The following ATAD2 variants were observed in gnomAD, a reference collection of about 807,000 sequenced individuals.
ATAD2 encodes the protein ATPase family AAA domain-containing protein 2.
ATAD2 carries 62 observed loss-of-function variants against 168.9 expected under a neutral mutation model. That is an observed-to-expected ratio of 0.37 (90% CI 0.30 to 0.45). ATAD2 has a LOEUF of 0.45. Among genes scored for constraint, ATAD2 ranks in the 20% least tolerant of loss-of-function variants. The probability of loss-of-function intolerance (pLI) is 1.00; values close to 1 mark genes in which losing one functional copy is unlikely to be tolerated. For missense variants in ATAD2, 1,419 were observed against 1,667.8 expected, an observed-to-expected ratio of 0.85 and a Z score of 2.60; for synonymous variants, 613 against 571.6, an observed-to-expected ratio of 1.07 and a Z score of -1.03.
intron 25 of ATAD2, among the ~76,000 whole-genome samples, chr8:123,326,490 G>A (rs929499589): frequency 6.6e-6 from 1 of 151,076 alleles, no homozygotes; most frequent in Admixed American, 6.6e-5. Flanking sequence ...GGCAACATGG[G>A]AAAACCCCAT....
intron 8 of ATAD2, among the ~76,000 whole-genome samples, chr8:123,367,503 T>G (rs1829017619): frequency 6.6e-6 from 1 of 152,178 alleles, no homozygotes; most frequent in African/African-American, 2.4e-5. Flanking sequence ...ATCCACCCCT[T>G]GAGTTAGGTA....
At chr8:123,401,984 C>T (rs899775187) in intron 1 of ATAD2, 6 of 1,124,294 alleles carry the variant, frequency 5.3e-6, no homozygotes, top group African/African-American at 3.1e-5. Context: ...TATCAGGGCC[C>T]GCAGCCTGTC....
intron 6 of ATAD2, 66 bp from the exon 7 acceptor site, chr8:123,370,090 G>A (rs1277736259): frequency 2.8e-6 from 4 of 1,433,180 alleles, no homozygotes; most frequent in African/African-American, 1.4e-5. Flanking sequence ...TTTAACATAG[G>A]TGAGTTGGGA....
chr8:123,346,540 T>C lies in ATAD2; in HGVS notation c.2345+78A>G, dbSNP rs952603458. 8 of 1,333,798 alleles carry C rather than the reference T, an allele frequency of 6.0e-6. No individual in the cohort carries two copies. In the Admixed American group the frequency reaches 2.2e-4, roughly 36 times the overall value. The allele number at this position is 1,333,798 out of a possible 1,614,324, so 82.6% of individuals were successfully genotyped here. A position where few individuals can be genotyped will look rare whatever the true frequency, so the allele number is the denominator to read the frequency against. On this transcript the variant is annotated intron_variant, in intron 17 of 27. Transcript: ENST00000287394. The stretch of plus-strand genomic sequence containing the variant: ...TAAAAAGCAGATTGGTTAGCACTTT[T>C]TATTTTTTCAACCACATCTCATTTA...
In ATAD2 at chr8:123,402,231, G is replaced by A; in HGVS notation, c.-2281-1056C>T. ...ACGGGTTCCCCAGCTCCTTTCCAGG[G>A]AGAGAGGAGGCGAAGTTGTGAGGGG... On this transcript the variant is annotated intron_variant, in intron 1 of 28. Coordinates refer to the ATAD2 transcript ENST00000521903. The surrounding 1 kb of genome is among the most constrained non-coding windows in gnomAD (Gnocchi z 4.8). 1 of 596,010 alleles carries A rather than the reference G, an allele frequency of 1.7e-6. No homozygotes were observed. Among genetic ancestry groups the A allele is most frequent in the Admixed American group, 2.6e-5 (1 of 38,074 alleles). The allele number at this position is 596,010 out of a possible 1,614,324, so 36.9% of individuals were successfully genotyped here.
At chr8:123,326,090 A>G in intron 25 of ATAD2, 64 bp from the exon 26 acceptor site, 1 of 1,531,976 alleles carries the variant, frequency 6.5e-7, no homozygotes, top group Non-Finnish European at 8.9e-7. Flanking sequence ...AAAATAAATA[A>G]TAATATTAGG....
chr8:123,392,765 G>A (rs912802191), intron 1 of ATAD2, among the ~76,000 whole-genome samples: 2 of 152,196 alleles, frequency 1.3e-5, no homozygotes, highest in Non-Finnish European at 2.9e-5. Flanking sequence ...TTGTAAAGGG[G>A]TAGAAAAAGA....
chr8:123,371,888 T>C, intron 3 of ATAD2, 53 bp from the exon 4 acceptor site: 1 of 1,378,434 alleles, frequency 7.3e-7, no homozygotes, highest in Non-Finnish European at 9.6e-7. Flanking sequence ...TAATAGTATT[T>C]ATAAAACAAT....
At position 123,402,285 on chromosome 8, in the gene ATAD2, C is replaced by G. The variant is rs1813013228; in HGVS notation, c.-2281-1110G>C. 6.6e-6 allele frequency among the ~76,000 whole-genome samples: 1 copy of G among 152,148 alleles called. No homozygotes were observed. Among genetic ancestry groups the G allele is most frequent in the African/African-American group, 2.4e-5 (1 of 41,454 alleles). On this transcript the variant is annotated intron_variant, in intron 1 of 28. Transcript: ENST00000521903. This position sits in a 1 kb window ranked among gnomAD's most constrained non-coding sequence, Gnocchi z 4.8. Reference sequence around the variant, plus strand: ...GTGACCCCTCGCTGGGCATCCCCTGCAGAGTCAGGACTGCTCCCTGGGCCA... The same window carrying G: ...GTGACCCCTCGCTGGGCATCCCCTGGAGAGTCAGGACTGCTCCCTGGGCCA...
chr8:123,376,937 C>G (rs539993531), intron 2 of ATAD2, among the ~76,000 whole-genome samples: 34 of 151,236 alleles, frequency 2.2e-4, no homozygotes, highest in Non-Finnish European at 4.3e-4. Context: ...CCTAAAAATA[C>G]AAAAATTAGC....
At chr8:123,373,722 G>T (rs1829220983) in intron 2 of ATAD2, among the ~76,000 whole-genome samples, 1 of 150,846 alleles carries the variant, frequency 6.6e-6, no homozygotes, top group African/African-American at 2.5e-5. Context: ...CCAGGAGGCG[G>T]AGCTTGCAGT....
intron 14 of ATAD2, 46 bp from the exon 15 acceptor site, chr8:123,348,319 G>A (rs1828320599): frequency 7.8e-7 from 1 of 1,281,282 alleles, no homozygotes; most frequent in Non-Finnish European, 1.1e-6. Flanking sequence ...AATAATAAAT[G>A]CTATTCAGAT....
intron 1 of ATAD2, among the ~76,000 whole-genome samples, chr8:123,403,499 C>G (rs1813033824): frequency 6.6e-6 from 1 of 151,846 alleles, no homozygotes; most frequent in Non-Finnish European, 1.5e-5. Flanking sequence ...TTCACAGGCG[C>G]AATCACAGCT....
chr8:123,400,845 C>T (rs1812986541), upstream of ATAD2: 2 of 1,349,992 alleles, frequency 1.5e-6, no homozygotes, highest in East Asian at 4.6e-5. This position sits in a 1 kb window ranked among gnomAD's most constrained non-coding sequence, Gnocchi z 4.5. Flanking sequence ...GTATTGGTTT[C>T]ATTCACCACA....
rs59837172 is a variant in ATAD2, at chr8:123,402,815, C to CAATAATAATAATAAT, written c.-2281-1655_-2281-1641dup. Among the ~76,000 whole-genome samples, 3 of 51,768 alleles carry CAATAATAATAATAAT rather than the reference C, an allele frequency of 5.8e-5. No individual in the cohort carries two copies. Among genetic ancestry groups the CAATAATAATAATAAT allele is most frequent in the Admixed American group, 2.9e-4 (1 of 3,500 alleles). 34.0% of individuals were successfully genotyped at this position (51,768 alleles called of 152,430 possible). Reference sequence around the variant, plus strand: ...GAATAAATCAAGCAGGTCTCAATGCCAATAATAATAATAATAATAATAATA... The same window carrying CAATAATAATAATAAT: ...GAATAAATCAAGCAGGTCTCAATGCCAATAATAATAATAATAATAATAATAATAATAATAATAATA... On this transcript the variant is annotated intron_variant, in intron 1 of 28. Coordinates refer to the ATAD2 transcript ENST00000521903. The surrounding 1 kb of genome is among the most constrained non-coding windows in gnomAD (Gnocchi z 4.8).
intron 24 of ATAD2, among the ~76,000 whole-genome samples, chr8:123,333,621 G>C (rs1195992506): frequency 6.6e-6 from 1 of 152,112 alleles, no homozygotes; most frequent in Non-Finnish European, 1.5e-5. Context: ...AAGAATAAGG[G>C]GGAGTAAGAA....
chr8:123,362,471 G>A lies in ATAD2; in HGVS notation c.1050-825C>T, dbSNP rs962190127. ...TATAGCCCAGGTTGGAGTGCAGTGG[G>A]ATGATCTCAGCTCACTGCAACCTCT... On this transcript the variant is annotated intron_variant, in intron 8 of 27. Coordinates refer to ENST00000287394, the MANE Select transcript of ATAD2 (RefSeq NM_014109.4). Among the ~76,000 whole-genome samples, 5 of 151,522 alleles carry A rather than the reference G, an allele frequency of 3.3e-5. No individual in the cohort carries two copies. In the East Asian group the frequency reaches 9.7e-4, roughly 29 times the overall value.
Position 123,371,672 on chromosome 8 carries a change from A to G in ATAD2, c.534T>C (p.Thr178=). ...TGATCTAAGGAATTTTTACTTACTT[A>G]GTTATAAGTTTGTCAAACAGCATGG... ...NQSMLFDKLI[T]NTAEAVLQKM... Residue 178 remains threonine, a splice_region_variant and synonymous_variant, in exon 4 of 28, where the codon ACT becomes ACC. Coordinates refer to ENST00000287394, the MANE Select transcript of ATAD2 (RefSeq NM_014109.4). 6.3e-7 allele frequency: 1 copy of G among 1,592,358 alleles called. No individual in the cohort carries two copies. Among genetic ancestry groups the G allele is most frequent in the Non-Finnish European group, 8.5e-7 (1 of 1,174,172 alleles).
chr8:123,392,749 T>C (rs914709810), intron 1 of ATAD2, among the ~76,000 whole-genome samples: 1 of 150,802 alleles, frequency 6.6e-6, no homozygotes, highest in African/African-American at 2.4e-5. Flanking sequence ...TGGAATAGAG[T>C]GCGTTTTGTA....
Sources: gnomAD v4.1 joint callset for allele counts (sites outside exome capture counted in the v4.1 genomes callset) on GRCh38, gnomAD v4.1.1 for gene constraint, Gnocchi (gnomAD v3.1) non-coding constraint, MANE v1.5 for transcripts, NCBI Gene and HGNC (gene_info 2026-07-23, HGNC 2026-07-21) for gene names.